The following TAFA2 variants were observed in gnomAD, a reference collection of about 807,000 sequenced individuals.
TAFA2 encodes the protein chemokine-like protein TAFA-2.
In TAFA2, 7 loss-of-function variants were observed where a neutral mutation model predicts 18.8. The ratio of observed to expected loss-of-function variants is 0.37; its 90% confidence interval spans 0.21 to 0.70. TAFA2 has a LOEUF of 0.70. TAFA2 is among the 30% of genes least tolerant of loss of function. TAFA2 has a pLI of 0.53. For missense variants in TAFA2, 122 were observed against 158.1 expected, an observed-to-expected ratio of 0.77 and a Z score of 1.23; for synonymous variants, 60 against 54.2, an observed-to-expected ratio of 1.11 and a Z score of -0.47.
intron 4 of TAFA2, among the ~76,000 whole-genome samples, chr12:61,734,181 A>G (rs1399841515): frequency 6.6e-6 from 1 of 151,712 alleles, no homozygotes; most frequent in African/African-American, 2.4e-5. Flanking sequence ...GGGCTGAGAT[A>G]ATGGGGTTTT....
intron 1 of TAFA2, among the ~76,000 whole-genome samples, chr12:61,970,638 G>A (rs887778362): frequency 6.6e-6 from 1 of 151,292 alleles, no homozygotes; most frequent in Admixed American, 6.6e-5. Flanking sequence ...TTCTTCTCGA[G>A]AAAATGATAT....
intron 1 of TAFA2, among the ~76,000 whole-genome samples, chr12:61,897,368 C>A (rs560130554): frequency 2.0e-5 from 3 of 152,068 alleles, no homozygotes; most frequent in Non-Finnish European, 2.9e-5. Context: ...GGTTCCGCAA[C>A]CATGATATAG....
chr12:61,772,451 C>G (rs904360847), intron 2 of TAFA2, among the ~76,000 whole-genome samples: 1 of 151,694 alleles, frequency 6.6e-6, no homozygotes, highest in Non-Finnish European at 1.5e-5. Context: ...ACCAATGTCC[C>G]TGATGAATAC....
At chr12:61,851,365 C>T (rs1425892713) in intron 2 of TAFA2, among the ~76,000 whole-genome samples, 1 of 152,118 alleles carries the variant, frequency 6.6e-6, no homozygotes, top group Non-Finnish European at 1.5e-5. Context: ...GGGCATAGTG[C>T]CTTCAAGAAA....
At chr12:61,846,307 C>A (rs1873403434) in intron 2 of TAFA2, among the ~76,000 whole-genome samples, 1 of 152,128 alleles carries the variant, frequency 6.6e-6, no homozygotes, top group South Asian at 2.1e-4. Context: ...CCTCAGCACA[C>A]CTTCTTCAAG....
At chr12:62,135,927 C>T (rs1592358048) in intron 1 of TAFA2, 2 of 152,152 alleles carry the variant, frequency 1.3e-5, no homozygotes, top group East Asian at 3.9e-4. Context: ...GGCTTCTTCA[C>T]CCTGATTGAC....
intron 2 of TAFA2, among the ~76,000 whole-genome samples, chr12:61,835,797 G>A (rs1047986924): frequency 6.6e-6 from 1 of 151,684 alleles, no homozygotes; most frequent in East Asian, 1.9e-4. Flanking sequence ...CAAACATTTT[G>A]TTCCTTCCTT....
intron 1 of TAFA2, among the ~76,000 whole-genome samples, chr12:62,210,932 A>C (rs73133475): frequency 0.085 from 12,783 of 149,846 alleles, 655 homozygotes; most frequent in Middle Eastern, 0.18. Context: ...CCCGCCCCCC[A>C]AAAAAACGGT....
At chr12:61,872,583 T>G (rs1414886711) in intron 1 of TAFA2, among the ~76,000 whole-genome samples, 1 of 152,094 alleles carries the variant, frequency 6.6e-6, no homozygotes, top group Non-Finnish European at 1.5e-5. Context: ...GAATAAAATA[T>G]AAATCTCTTA....
chr12:61,806,705 C>T (rs989018910), intron 2 of TAFA2, among the ~76,000 whole-genome samples: 2 of 152,132 alleles, frequency 1.3e-5, no homozygotes, highest in Non-Finnish European at 2.9e-5. Flanking sequence ...ACAATAAAGT[C>T]CAGGCTGAGG....
intron 4 of TAFA2, among the ~76,000 whole-genome samples, chr12:61,742,953 T>C (rs1296969125): frequency 2.6e-5 from 4 of 152,030 alleles, no homozygotes; most frequent in Non-Finnish European, 5.9e-5. Context: ...ATAGACATTA[T>C]GAAGTATAAA....
intron 1 of TAFA2, among the ~76,000 whole-genome samples, chr12:62,157,230 A>T (rs761204409): frequency 6.6e-6 from 1 of 152,170 alleles, no homozygotes; most frequent in Non-Finnish European, 1.5e-5. Context: ...GAAGCCTATG[A>T]ATTTTTTCAT....
intron 1 of TAFA2, among the ~76,000 whole-genome samples, chr12:62,220,923 C>T (rs1592407165): frequency 1.3e-5 from 2 of 151,800 alleles, no homozygotes; most frequent in Non-Finnish European, 2.9e-5. Flanking sequence ...CTCGCTAACA[C>T]GGTGAAACCC....
At chr12:61,947,819 A>G (rs533211256) in intron 1 of TAFA2, among the ~76,000 whole-genome samples, 1 of 152,296 alleles carries the variant, frequency 6.6e-6, no homozygotes, top group South Asian at 2.1e-4. Context: ...AGGGTGTGCA[A>G]TTTGGTTTTG....
At position 61,913,457 on chromosome 12, in the gene TAFA2, T is replaced by C. The variant is rs114863774; in HGVS notation, c.-1-46031A>G. 6.5e-3 allele frequency among the ~76,000 whole-genome samples: 991 copies of C among 152,262 alleles called. 12 individuals are homozygous for C. The highest frequency in any genetic ancestry group is 0.023 in the African/African-American group (938 of 41,562). On this transcript the variant is annotated intron_variant, in intron 1 of 4. Transcript: ENST00000416284. Reference sequence around the variant, plus strand: ...TTAATAACACAGAAGGAAAGTGGAATTGATATTGGAGAAGAAACTTACTCC... The same window carrying C: ...TTAATAACACAGAAGGAAAGTGGAACTGATATTGGAGAAGAAACTTACTCC...
chr12:61,724,751 ATGTGTGTGTGTGTGTGTG>A lies in TAFA2; in HGVS notation c.385-14352_385-14335del, dbSNP rs71083953. Among the ~76,000 whole-genome samples, 800 of 114,708 alleles carry A rather than the reference ATGTGTGTGTGTGTGTGTG, an allele frequency of 7.0e-3. 6 individuals carry two copies. Among genetic ancestry groups the A allele is most frequent in the African/African-American group, 0.023 (733 of 31,200 alleles). 75.3% of individuals were successfully genotyped at this position (114,708 alleles called of 152,430 possible). A position where few individuals can be genotyped will look rare whatever the true frequency, so the allele number is the denominator to read the frequency against. On this transcript the variant is annotated intron_variant, in intron 4 of 4. Transcript: ENST00000416284. ...CTGAGTAGTATTCCATGGTATGTCT[ATGTGTGTGTGTGTGTGTG>A]TGTGTGTGTGTGTGTGTGTGTGTGT...
chr12:62,178,904 G>A (rs2062533183), intron 1 of TAFA2, among the ~76,000 whole-genome samples: 1 of 152,142 alleles, frequency 6.6e-6, no homozygotes. Flanking sequence ...GACACTTGTA[G>A]AGAATCAGGT....
chr12:61,949,646 A>T (rs936410813), intron 1 of TAFA2, among the ~76,000 whole-genome samples: 1 of 152,150 alleles, frequency 6.6e-6, no homozygotes, highest in Non-Finnish European at 1.5e-5. Context: ...ATCATTTCTT[A>T]TAATAAATCA....
At chr12:61,730,094 C>A (rs756272286) in intron 4 of TAFA2, among the ~76,000 whole-genome samples, 1 of 152,066 alleles carries the variant, frequency 6.6e-6, no homozygotes, top group Admixed American at 6.6e-5. Flanking sequence ...GGTCTCCCAG[C>A]CATGGATACC....
Sources: allele counts gnomAD v4.1 joint callset (sites outside exome capture counted in the v4.1 genomes callset), GRCh38; gene constraint gnomAD v4.1.1; transcripts MANE v1.5; gene names NCBI Gene and HGNC (gene_info 2026-07-23, HGNC 2026-07-21).